TBC1D2B: variants seen among roughly 807,000 people sequenced by gnomAD.
TBC1D2B encodes the protein TBC1 domain family member 2B.
Under a neutral mutation model 100.8 loss-of-function variants are expected in TBC1D2B, and 64 were observed. The ratio of observed to expected loss-of-function variants is 0.64; its 90% CI spans 0.52 to 0.78. The LOEUF (loss-of-function observed/expected upper bound fraction) is 0.78, where lower values mean the gene tolerates loss of function less well. TBC1D2B is among the 30% of genes least tolerant of loss of function. TBC1D2B has a pLI of 0.00. For synonymous variants in TBC1D2B, 480 were observed against 479.7 expected (o/e 1.00, Z -0.01); for missense variants, 1,052 against 1,218.4 (o/e 0.86, Z 2.03).
intron 1 of TBC1D2B, chr15:78,066,003 C>G (rs1175908879): frequency 2.1e-6 from 1 of 470,980 alleles, no homozygotes; most frequent in South Asian, 1.5e-5. Context: ...TGGTGAAAAG[C>G]TGAGGGATCT....
At chr15:78,052,892 G>T (rs1171216159) in intron 2 of TBC1D2B, among the ~76,000 whole-genome samples, 1 of 152,160 alleles carries the variant, frequency 6.6e-6, no homozygotes, top group African/African-American at 2.4e-5. Flanking sequence ...ACATAAGGGC[G>T]CATAAAGTTG....
chr15:78,040,858 G>GGAAGAAAGAAAGAAAGAAAGAAAGAA (rs1358644673), intron 3 of TBC1D2B, among the ~76,000 whole-genome samples: 1 of 135,274 alleles, frequency 7.4e-6, no homozygotes, highest in South Asian at 2.4e-4. Context: ...AAGAAAGGAA[G>GGAAGAAAGAAAGAAAGAAAGAAAGAA]AAAGAAAGAA....
At chr15:78,044,061 T>C (rs1226744375) in intron 3 of TBC1D2B, among the ~76,000 whole-genome samples, 1 of 145,626 alleles carries the variant, frequency 6.9e-6, no homozygotes, top group Non-Finnish European at 1.5e-5. Flanking sequence ...AACAAATTCA[T>C]AGAGATAGAA....
intron 1 of TBC1D2B, among the ~76,000 whole-genome samples, chr15:78,074,368 T>C (rs1473152446): frequency 6.6e-6 from 1 of 152,216 alleles, no homozygotes; most frequent in African/African-American, 2.4e-5. Context: ...TCCATTCCCA[T>C]TGTTGTATAC....
At chr15:78,003,809 G>C (rs2071985616) in intron 10 of TBC1D2B, among the ~76,000 whole-genome samples, 1 of 152,138 alleles carries the variant, frequency 6.6e-6, no homozygotes, top group Non-Finnish European at 1.5e-5. Flanking sequence ...GCAGCAGGTA[G>C]GACAGTCAGC....
chr15:78,075,936 T>C (rs2073821787), intron 1 of TBC1D2B, among the ~76,000 whole-genome samples: 1 of 152,184 alleles, frequency 6.6e-6, no homozygotes. Context: ...CTGCTCTCCG[T>C]GTGGCCAGCT....
intron 1 of TBC1D2B, among the ~76,000 whole-genome samples, chr15:78,062,330 A>C (rs1430784469): frequency 2.6e-5 from 4 of 152,266 alleles, no homozygotes; most frequent in Non-Finnish European, 5.9e-5. Flanking sequence ...AACTGAAAAA[A>C]GACCAAACAA....
rs1253040244 is a variant in TBC1D2B, at chr15:78,003,436, C to T, written c.2443G>A (p.Gly815Ser). The T allele has an allele frequency of 6.2e-7, 1 of 1,613,648 alleles. No individual in the cohort carries two copies. The highest frequency in any genetic ancestry group is 8.5e-7 in the Non-Finnish European group (1 of 1,179,672). The change falls in exon 11 of 13, where the codon GGC becomes AGC. Residue 815 changes from glycine (G) to serine (S), a missense_variant. Gly to Ser is a moderately conservative substitution (Grantham distance 56). Coordinates refer to ENST00000300584, the MANE Select transcript of TBC1D2B (RefSeq NM_144572.2). Reference sequence around the variant, plus strand: ...TCGACTTTGTACTGTTCAAAGTGGCCATGCAACCGAGGCAGCTTCTCACTC... The same window carrying T: ...TCGACTTTGTACTGTTCAAAGTGGCTATGCAACCGAGGCAGCTTCTCACTC... ...LMSEKLPRLH[G>S]HFEQYKVDYT...
At chr15:78,077,224 G>T in intron 1 of TBC1D2B, 69 bp downstream of exon 1, 3 of 1,399,684 alleles carry the variant, frequency 2.1e-6, no homozygotes, top group Non-Finnish European at 2.8e-6. Flanking sequence ...GGTGGATGGC[G>T]CAAGCCAGTG....
chr15:78,025,309 T>C lies in TBC1D2B; in HGVS notation c.1036A>G (p.Ser346Gly), dbSNP rs1182744968. Residue 346 changes from serine (S) to glycine (G), a missense_variant, in exon 5 of 13, where the codon AGC (serine) becomes GGC (glycine). Coordinates refer to ENST00000300584, the MANE Select transcript of TBC1D2B (RefSeq NM_144572.2). ...PASEMQLQVQ[S>G]QQEELEQLKK... Reference sequence around the variant, plus strand: ...AACTGTTCCAGCTCTTCCTGCTGGCTCTGGACCTGCAGTTGCATTTCGGAG... The same window carrying C: ...AACTGTTCCAGCTCTTCCTGCTGGCCCTGGACCTGCAGTTGCATTTCGGAG... 1.5e-5 allele frequency: 25 copies of C among 1,613,908 alleles called. 2 individuals carry two copies. Among genetic ancestry groups the C allele is most frequent in the Non-Finnish European group, 1.9e-5 (23 of 1,179,886 alleles).
intron 4 of TBC1D2B, among the ~76,000 whole-genome samples, chr15:78,026,791 C>T (rs925852702): frequency 3.3e-5 from 5 of 151,776 alleles, no homozygotes; most frequent in Non-Finnish European, 5.9e-5. Context: ...ATCCCAGCTA[C>T]TCAGGAGGCT....
rs753560085 is a variant in TBC1D2B at position 78,016,659 on chromosome 15, G to A, written c.1662C>T (p.Cys554=). Residue 554 remains cysteine (C), a synonymous_variant, in exon 8 of 13, where the codon TGC becomes TGT. Transcript: ENST00000300584. The part of the protein sequence containing the change: ...ILLQEMKTPV[C]SEDQGPTREV... ...CCCGGGTGGGCCCCTGGTCTTCTGAGCACACTGGTGTCTTCATTTCTTGGA... is the reference window on the plus strand; with the variant it reads ...CCCGGGTGGGCCCCTGGTCTTCTGAACACACTGGTGTCTTCATTTCTTGGA... 6.2e-7 allele frequency: 1 copy of A among 1,608,734 alleles called. No homozygotes were observed. Among genetic ancestry groups the A allele is most frequent in the African/African-American group, 1.3e-5 (1 of 74,620 alleles).
intron 1 of TBC1D2B, among the ~76,000 whole-genome samples, chr15:78,068,386 CA>C (rs2073694132): frequency 2.3e-5 from 3 of 127,846 alleles, no homozygotes; most frequent in South Asian, 2.5e-4. Context: ...ACCACACCCA[CA>C]CACACACACA....
At chr15:78,038,058 G>T (rs965251197) in intron 3 of TBC1D2B, among the ~76,000 whole-genome samples, 8 of 152,118 alleles carry the variant, frequency 5.3e-5, no homozygotes, top group Non-Finnish European at 1.2e-4. Context: ...AGTATAAAGG[G>T]CAGAGGATGA....
At chr15:78,033,905 C>A (rs2072880527) in intron 3 of TBC1D2B, among the ~76,000 whole-genome samples, 1 of 152,212 alleles carries the variant, frequency 6.6e-6, no homozygotes, top group South Asian at 2.1e-4. Context: ...AATTATATAA[C>A]ACGCTTATGT....
At chr15:78,044,011 C>T (rs1467171260) in intron 3 of TBC1D2B, among the ~76,000 whole-genome samples, 3 of 135,676 alleles carry the variant, frequency 2.2e-5, no homozygotes, top group Non-Finnish European at 4.7e-5. Context: ...GGTAACAGAA[C>T]AAGACCTTAT....
rs1024534059 is a variant in TBC1D2B at position 77,995,698 on chromosome 15, C to T, written c.*2462G>A. The T allele has an allele frequency of 3.3e-5, 5 of 152,538 alleles. No individual in the cohort carries two copies. The highest frequency in any genetic ancestry group is 9.6e-5 in the African/African-American group (4 of 41,470). The allele number at this position is 152,538 out of a possible 1,614,324, so 9.4% of individuals were successfully genotyped here. A position where few individuals can be genotyped will look rare whatever the true frequency, so the allele number is the denominator to read the frequency against. On this transcript the variant is annotated 3_prime_UTR_variant, in exon 13 of 13. Transcript: ENST00000300584. ...CCATTTAAAAGTTGGCAATTCCTAG[C>T]AGGTGTTGGGAGGGAGCTCCCCTCG... is the stretch of plus-strand genomic sequence containing the variant.
intron 9 of TBC1D2B, among the ~76,000 whole-genome samples, chr15:78,011,860 T>TG (rs2072240305): frequency 6.6e-6 from 1 of 152,100 alleles, no homozygotes; most frequent in Non-Finnish European, 1.5e-5. Flanking sequence ...TTGGCCAGGC[T>TG]GGTCTTGAAC....
At chr15:78,034,938 C>T (rs986781774) in intron 3 of TBC1D2B, among the ~76,000 whole-genome samples, 4 of 152,192 alleles carry the variant, frequency 2.6e-5, no homozygotes, top group African/African-American at 9.7e-5. Context: ...GTGGCAACTA[C>T]GTGTCCTGCC....
Sources: gnomAD v4.1 joint callset for allele counts (sites outside exome capture counted in the v4.1 genomes callset) on GRCh38, gnomAD v4.1.1 for gene constraint, MANE v1.5 for transcripts, NCBI Gene and HGNC (gene_info 2026-07-23, HGNC 2026-07-21) for gene names.